The following GCLM variants were observed in gnomAD, a reference collection of about 807,000 sequenced individuals.
GCLM encodes the protein glutamate-cysteine ligase modifier subunit, also known as glutamate--cysteine ligase regulatory subunit.
GCLM carries 15 observed loss-of-function variants against 36.0 expected under a neutral mutation model. That is an observed-to-expected ratio of 0.42 (90% CI 0.28 to 0.64). The LOEUF is 0.64. Among genes scored for constraint, GCLM ranks in the 30% least tolerant of loss-of-function variants. GCLM has a pLI of 0.25. For missense variants in GCLM, 242 were observed against 325.5 expected, an observed-to-expected ratio of 0.74 and a Z score of 1.97; for synonymous variants, 129 against 122.8, an observed-to-expected ratio of 1.05 and a Z score of -0.34.
rs958645287 is a variant in GCLM, at chr1:93,886,786, T to G, written c.*2204A>C. On this transcript the variant is annotated 3_prime_UTR_variant, in exon 7 of 7. Coordinates refer to ENST00000370238, the MANE Select transcript of GCLM (RefSeq NM_002061.4). ...GATATTAAAGTTCCCTCTTAAAATA[T>G]CTTGGCCAGTTCACTGTATAGATTT... 1 of 152,078 alleles carries G rather than the reference T, an allele frequency of 6.6e-6. No homozygotes were observed. The highest frequency in any genetic ancestry group is 2.4e-5 in the African/African-American group (1 of 41,416). 9.4% of individuals were successfully genotyped at this position (152,078 alleles called of 1,614,324 possible).
chr1:93,889,003 C>A lies in GCLM; in HGVS notation c.812G>T (p.Arg271Ile). 2.5e-6 allele frequency: 4 copies of A among 1,590,814 alleles called. No individual in the cohort carries two copies. Among genetic ancestry groups the A allele is most frequent in the Non-Finnish European group, 3.4e-6 (4 of 1,169,894 alleles). ...CTCCTAAGTCAGTTAAGAACCCCTT[C>A]TTTTAGCTTGTAAAATGTAGCCTTT... ...KSKGYILQAKRRGS is the reference protein window; with the variant it reads ...KSKGYILQAKIRGS The change falls in exon 7 of 7, where the codon AGA becomes ATA. Residue 271 changes from arginine (R) to isoleucine (I), a missense_variant. By Grantham distance (97) the Arg-to-Ile change is moderately conservative. Transcript: ENST00000370238.
intron 3 of GCLM, among the ~76,000 whole-genome samples, chr1:93,898,358 C>A (rs1292396793): frequency 7.9e-6 from 1 of 127,024 alleles, no homozygotes; most frequent in Non-Finnish European, 1.6e-5. Context: ...CCAATACAAT[C>A]ATTTTCATTT....
rs1460753931 is a variant in GCLM at position 93,896,803 on chromosome 1, C to T, written c.355G>A (p.Val119Ile). Residue 119 changes from valine (V) to isoleucine (I), a missense_variant, in exon 5 of 7, where the codon GTT becomes ATT. By Grantham distance (29) the Val-to-Ile change is conservative (BLOSUM62 3). Coordinates refer to ENST00000370238, the MANE Select transcript of GCLM (RefSeq NM_002061.4). ...ATGATCACAGAATCCAGCTGTGCAACTCCAAGGACTGAACAGGCTGATAGG... is the reference window on the plus strand; with the variant it reads ...ATGATCACAGAATCCAGCTGTGCAATTCCAAGGACTGAACAGGCTGATAGG... ...AVDMACSVLGVAQLDSVIIAS... is the reference protein window; with the variant it reads ...AVDMACSVLGIAQLDSVIIAS... 7.5e-6 allele frequency: 12 copies of T among 1,592,046 alleles called. No homozygotes were observed. In the South Asian group the frequency reaches 1.1e-4, roughly 15 times the overall value.
chr1:93,903,480 T>A (rs1202266139), intron 2 of GCLM, among the ~76,000 whole-genome samples: 9 of 149,472 alleles, frequency 6.0e-5, no homozygotes, highest in Non-Finnish European at 1.5e-5. Context: ...CTGGCTTTTT[T>A]TTTTTTTTTG....
intron 1 of GCLM, among the ~76,000 whole-genome samples, chr1:93,908,448 G>T (rs1482799598): frequency 6.6e-6 from 1 of 152,200 alleles, no homozygotes; most frequent in Non-Finnish European, 1.5e-5. Context: ...CATAGAATGT[G>T]TACTGATAAA....
At chr1:93,897,998 CTGAA>C (rs999324872) in intron 3 of GCLM, 100 bp from the exon 4 acceptor site, 6 of 500,380 alleles carry the variant, frequency 1.2e-5, no homozygotes, top group African/African-American at 6.0e-5. Flanking sequence ...TCAGATAATC[CTGAA>C]TGAATTATTT....
intron 1 of GCLM, among the ~76,000 whole-genome samples, chr1:93,905,299 GACAA>G (rs1468530211): frequency 6.6e-6 from 1 of 151,728 alleles, no homozygotes; most frequent in African/African-American, 2.4e-5. Context: ...ATTTCTCAAA[GACAA>G]ACAAATTAAA....
rs1486530027 is a variant in GCLM, at chr1:93,888,883, A to G, written c.*107T>C. ...AACATACTGTCAAATATGACGAAAGAATATCTGCCTCAATGACACCATTTA... is the reference window on the plus strand; with the variant it reads ...AACATACTGTCAAATATGACGAAAGGATATCTGCCTCAATGACACCATTTA... On this transcript the variant is annotated 3_prime_UTR_variant, in exon 7 of 7. Transcript: ENST00000370238. 1.4e-6 allele frequency: 1 copy of G among 690,230 alleles called. No individual in the cohort carries two copies. Among genetic ancestry groups the G allele is most frequent in the East Asian group, 2.9e-5 (1 of 34,790 alleles). 42.8% of individuals were successfully genotyped at this position (690,230 alleles called of 1,614,324 possible).
rs1656280669 is a variant in GCLM, at chr1:93,885,758, A to G, written c.*3232T>C. On this transcript the variant is annotated 3_prime_UTR_variant, in exon 7 of 7. Coordinates refer to ENST00000370238, the MANE Select transcript of GCLM (RefSeq NM_002061.4). ...AACTGCTAGCCAACATACAATAAAT[A>G]TATCAATTGTTTACATTCCCAAATT... 1 of 152,054 alleles carries G rather than the reference A, an allele frequency of 6.6e-6. No homozygotes were observed. Among genetic ancestry groups the G allele is most frequent in the Admixed American group, 6.5e-5 (1 of 15,282 alleles). The allele number at this position is 152,054 out of a possible 1,614,324, so 9.4% of individuals were successfully genotyped here. A position where few individuals can be genotyped will look rare whatever the true frequency, so the allele number is the denominator to read the frequency against.
chr1:93,894,659 C>G lies in GCLM; in HGVS notation c.610G>C (p.Ala204Pro). ...AACAGCTGTATGTCAAATTGTTTAG[C>G]AAATGCAGTCAAATCTGGTGGCATC... ...CVMPPDLTAF[A>P]KQFDIQLLTH... Residue 204 changes from alanine (A) to proline (P), a missense_variant, in exon 6 of 7, where the codon GCT becomes CCT. By Grantham distance (27) the Ala-to-Pro change is conservative (BLOSUM62 -1). Coordinates refer to ENST00000370238, the MANE Select transcript of GCLM (RefSeq NM_002061.4). The G allele has an allele frequency of 6.2e-7, 1 of 1,611,226 alleles. No individual in the cohort carries two copies. Among genetic ancestry groups the G allele is most frequent in the Non-Finnish European group, 8.5e-7 (1 of 1,177,586 alleles).
At position 93,898,303 on chromosome 1, in the gene GCLM, G is replaced by GAAAAAAAAAAAAAAAAAAAAAAAAAA. The variant is rs58007552; in HGVS notation, c.278-431_278-406dup. Among the ~76,000 whole-genome samples the GAAAAAAAAAAAAAAAAAAAAAAAAAA allele has an allele frequency of 7.3e-4, 12 of 16,430 alleles. 4 individuals are homozygous for GAAAAAAAAAAAAAAAAAAAAAAAAAA. The highest frequency in any genetic ancestry group is 1.2e-3 in the Non-Finnish European group (10 of 8,498). 10.8% of individuals were successfully genotyped at this position (16,430 alleles called of 152,430 possible). Reference sequence around the variant, plus strand: ...TTGAAAATGTAATGAGAAGAAAACTGAAAAAAAAAAAAAAAAAAAAAAAAA... The same window carrying GAAAAAAAAAAAAAAAAAAAAAAAAAA: ...TTGAAAATGTAATGAGAAGAAAACTGAAAAAAAAAAAAAAAAAAAAAAAAAAAAAAAAAAAAAAAAAAAAAAAAAAA... On this transcript the variant is annotated intron_variant, in intron 3 of 6. Transcript: ENST00000370238.
intron 1 of GCLM, among the ~76,000 whole-genome samples, chr1:93,907,567 G>A (rs1449294129): frequency 6.6e-6 from 1 of 152,174 alleles, no homozygotes; most frequent in Non-Finnish European, 1.5e-5. Flanking sequence ...GTATGCTATT[G>A]TGAGATAGGT....
At position 93,909,341 on chromosome 1, in the gene GCLM, C is replaced by A. The variant is rs1657276491; in HGVS notation, c.-178G>T. 9.8e-7 allele frequency: 1 copy of A among 1,025,492 alleles called. No homozygotes were observed. The highest frequency in any genetic ancestry group is 1.7e-5 in the African/African-American group (1 of 58,574). 63.5% of individuals were successfully genotyped at this position (1,025,492 alleles called of 1,614,324 possible). A position where few individuals can be genotyped will look rare whatever the true frequency, so the allele number is the denominator to read the frequency against. Reference sequence around the variant, plus strand: ...CTCGGGCCCGAGGGAGGCCGGACGGCGGCTGGGCGGCGGCGGGAAAGGAAG... The same window carrying A: ...CTCGGGCCCGAGGGAGGCCGGACGGAGGCTGGGCGGCGGCGGGAAAGGAAG... On this transcript the variant is annotated 5_prime_UTR_variant, in exon 1 of 7. Transcript: ENST00000370238.
rs957049805 is a variant in GCLM, at chr1:93,885,435, TAA to T, written c.*3553_*3554del. 6.6e-6 allele frequency: 1 copy of T among 152,192 alleles called. No individual in the cohort carries two copies. Among genetic ancestry groups the T allele is most frequent in the South Asian group, 2.1e-4 (1 of 4,832 alleles). 9.4% of individuals were successfully genotyped at this position (152,192 alleles called of 1,614,324 possible). On this transcript the variant is annotated 3_prime_UTR_variant, in exon 7 of 7. Coordinates refer to ENST00000370238, the MANE Select transcript of GCLM (RefSeq NM_002061.4). ...ATTATAGTACACCACTACAGACACA[TAA>T]AAAGTTGACTTATCTAATTAAAACA...
At chr1:93,900,024 T>G (rs1041232987) in intron 3 of GCLM, among the ~76,000 whole-genome samples, 1 of 152,094 alleles carries the variant, frequency 6.6e-6, no homozygotes, top group African/African-American at 2.4e-5. Flanking sequence ...ATTCGATATA[T>G]GCAACACATT....
At chr1:93,899,234 T>A (rs1211450635) in intron 3 of GCLM, among the ~76,000 whole-genome samples, 2 of 151,954 alleles carry the variant, frequency 1.3e-5, no homozygotes, top group Non-Finnish European at 2.9e-5. Flanking sequence ...CCACCATGCC[T>A]GGCTAATTTT....
intron 2 of GCLM, among the ~76,000 whole-genome samples, chr1:93,901,965 G>A (rs1656967063): frequency 6.6e-6 from 1 of 151,688 alleles, no homozygotes; most frequent in Non-Finnish European, 1.5e-5. Context: ...AAGCAGTGGA[G>A]GGATATGTGA....
At chr1:93,889,920 A>AT (rs556290533) in intron 6 of GCLM, among the ~76,000 whole-genome samples, 1,840 of 148,726 alleles carry the variant, frequency 0.012, 31 homozygotes, top group African/African-American at 0.043. Flanking sequence ...ATATATATAT[A>AT]TTTTTTTTTG....
intron 1 of GCLM, among the ~76,000 whole-genome samples, chr1:93,904,941 A>AG (rs760411840): frequency 9.4e-4 from 143 of 152,268 alleles, no homozygotes; most frequent in Non-Finnish European, 1.9e-3. Context: ...TGGGAGGCTG[A>AG]GGGGGGCAAA....
Sources: allele counts gnomAD v4.1 joint callset (sites outside exome capture counted in the v4.1 genomes callset), GRCh38; gene constraint gnomAD v4.1.1; transcripts MANE v1.5; gene names NCBI Gene and HGNC (gene_info 2026-07-23, HGNC 2026-07-21).